Variants in CADM2 observed in about 807,000 individuals in gnomAD.
The protein encoded by CADM2 is cell adhesion molecule 2, also known as immunoglobulin superfamily member 4D.
A neutral mutation model predicts 49.8 loss-of-function variants in CADM2; 12 were observed. The ratio of observed to expected loss-of-function variants is 0.24; its 90% CI spans 0.15 to 0.39. The LOEUF is 0.39. Among genes scored for constraint, CADM2 ranks in the 10% least tolerant of loss-of-function variants. CADM2 has a pLI of 1.00. For synonymous variants in CADM2, 214 were observed against 175.4 expected (o/e 1.22, Z -1.74); for missense variants, 378 against 492.3 (o/e 0.77, Z 2.20).
intron 1 of CADM2, among the ~76,000 whole-genome samples, chr3:85,414,866 C>T (rs948107757): frequency 6.6e-6 from 1 of 152,142 alleles, no homozygotes; most frequent in African/African-American, 2.4e-5. Context: ...CTCCTTCAAA[C>T]ATAAAGTATC....
chr3:85,173,311 C>G (rs998131659), intron 1 of CADM2, among the ~76,000 whole-genome samples: 16 of 152,198 alleles, frequency 1.1e-4, no homozygotes, highest in African/African-American at 3.1e-4. Flanking sequence ...TTCTATAAAT[C>G]AGTTTTAAAC....
chr3:85,458,186 A>G (rs2038080482), intron 1 of CADM2, among the ~76,000 whole-genome samples: 1 of 152,160 alleles, frequency 6.6e-6, no homozygotes, highest in African/African-American at 2.4e-5. Context: ...GGCCATGCAT[A>G]TAGTTATCTG....
chr3:85,642,599 TAAGTGTCTATTATTTGCTC>T (rs2064757194), intron 1 of CADM2, among the ~76,000 whole-genome samples: 1 of 152,100 alleles, frequency 6.6e-6, no homozygotes, highest in South Asian at 2.1e-4. Context: ...AGGAAAAAAT[TAAGTGTCTATTATTTGCTC>T]AGATAACCTA....
At chr3:85,700,018 A>G (rs973995688) in intron 1 of CADM2, among the ~76,000 whole-genome samples, 20 of 152,182 alleles carry the variant, frequency 1.3e-4, no homozygotes, top group African/African-American at 4.6e-4. Flanking sequence ...TCAATCTACT[A>G]TAAAGACACA....
intron 1 of CADM2, among the ~76,000 whole-genome samples, chr3:85,332,387 G>A (rs910231247): frequency 2.0e-5 from 3 of 151,924 alleles, no homozygotes; most frequent in Non-Finnish European, 4.4e-5. Flanking sequence ...ATATATTAGG[G>A]AGATCAGAGC....
intron 1 of CADM2, among the ~76,000 whole-genome samples, chr3:85,435,960 C>A (rs13092627): frequency 6.6e-6 from 1 of 151,760 alleles, no homozygotes; most frequent in Admixed American, 6.6e-5. Context: ...ATTTTTCTCC[C>A]ATTCTGTAAG....
chr3:85,286,492 G>C (rs1019403518), intron 1 of CADM2, among the ~76,000 whole-genome samples: 1 of 152,138 alleles, frequency 6.6e-6, no homozygotes, highest in Non-Finnish European at 1.5e-5. Context: ...TTTGGAGTTT[G>C]AGTGAATTCA....
intron 8 of CADM2, among the ~76,000 whole-genome samples, chr3:86,004,303 T>C (rs1029224096): frequency 1.3e-5 from 2 of 152,216 alleles, no homozygotes; most frequent in Non-Finnish European, 2.9e-5. Context: ...CTGAGATTAA[T>C]GGCATCATTG....
chr3:85,850,301 G>T (rs1388962173), intron 3 of CADM2, among the ~76,000 whole-genome samples: 5 of 147,070 alleles, frequency 3.4e-5, no homozygotes, highest in African/African-American at 1.3e-4. Flanking sequence ...CTCTGTTCTG[G>T]TCTGTTGCAA....
chr3:85,609,726 A>G (rs2063627610), intron 1 of CADM2, among the ~76,000 whole-genome samples: 4 of 152,240 alleles, frequency 2.6e-5, no homozygotes, highest in Non-Finnish European at 5.9e-5. Flanking sequence ...TTATGTCTAC[A>G]CAGCCAAGGT....
chr3:85,912,162 G>C (rs1211561114), intron 5 of CADM2, among the ~76,000 whole-genome samples: 1 of 151,922 alleles, frequency 6.6e-6, no homozygotes, highest in Non-Finnish European at 1.5e-5. Context: ...AGCCAGGATG[G>C]TCTCGATCTC....
intron 3 of CADM2, 23 bp from the exon 4 acceptor site, chr3:85,883,268 T>A: frequency 1.3e-6 from 2 of 1,590,926 alleles, no homozygotes; most frequent in Non-Finnish European, 1.7e-6. Flanking sequence ...CTTATTTACA[T>A]TTTCAATATT....
chr3:85,372,408 T>C (rs1202807453), intron 1 of CADM2, among the ~76,000 whole-genome samples: 3 of 134,694 alleles, frequency 2.2e-5, no homozygotes, highest in Non-Finnish European at 4.7e-5. Context: ...TGTATATGTA[T>C]ATATATGTAT....
chr3:85,672,393 C>A (rs1216038082), intron 1 of CADM2, among the ~76,000 whole-genome samples: 1 of 151,824 alleles, frequency 6.6e-6, no homozygotes, highest in Non-Finnish European at 1.5e-5. Context: ...GGGGTTTCAC[C>A]GTGTTAACCG....
At chr3:85,934,216 T>C (rs573102308) in intron 6 of CADM2, among the ~76,000 whole-genome samples, 1 of 152,192 alleles carries the variant, frequency 6.6e-6, no homozygotes, top group East Asian at 1.9e-4. Flanking sequence ...TAGTTAGAGG[T>C]CAAAAGACCA....
chr3:85,989,059 A>AG (rs1164694648), intron 8 of CADM2, among the ~76,000 whole-genome samples: 3 of 152,118 alleles, frequency 2.0e-5, no homozygotes, highest in Non-Finnish European at 4.4e-5. Flanking sequence ...TCTTAGTACA[A>AG]TTTTTTTCTC....
chr3:85,336,156 A>C (rs2045073270), intron 1 of CADM2, among the ~76,000 whole-genome samples: 1 of 151,438 alleles, frequency 6.6e-6, no homozygotes, highest in South Asian at 2.1e-4. Flanking sequence ...TTCCTTCTGC[A>C]CTATTGTTAC....
intron 1 of CADM2, among the ~76,000 whole-genome samples, chr3:85,625,498 T>C (rs2064099072): frequency 6.6e-6 from 1 of 152,238 alleles, no homozygotes; most frequent in South Asian, 2.1e-4. Flanking sequence ...TTTGTTTCTA[T>C]TGCATTCCAT....
chr3:85,912,689 A>G, intron 6 of CADM2, 146 bp downstream of exon 6: 1 of 718,152 alleles, frequency 1.4e-6, no homozygotes, highest in Non-Finnish European at 2.3e-6. Flanking sequence ...CACTAGTATT[A>G]ATCAGGTTCA....
Sources: allele counts gnomAD v4.1 joint callset (sites outside exome capture counted in the v4.1 genomes callset), GRCh38; gene constraint gnomAD v4.1.1; transcripts MANE v1.5; gene names NCBI Gene and HGNC (gene_info 2026-07-23, HGNC 2026-07-21).